Variants in CHD5 observed in about 807,000 individuals in gnomAD.
The protein encoded by CHD5 is chromodomain helicase DNA binding protein 5, also known as ATP-dependent chromatin remodeler CHD5.
In CHD5, 69 loss-of-function variants were observed where a neutral mutation model predicts 230.3. That is an observed-to-expected ratio of 0.30 (90% confidence interval 0.25 to 0.37). The LOEUF is 0.37. CHD5 is among the 10% of genes least tolerant of loss of function. The probability of loss-of-function intolerance (pLI) is 1.00; values close to 1 mark genes in which losing one functional copy is unlikely to be tolerated. For missense variants in CHD5, 1,827 were observed against 2,622.8 expected, an observed-to-expected ratio of 0.70 and a Z score of 6.63; for synonymous variants, 1,064 against 1,065.9, an observed-to-expected ratio of 1.00 and a Z score of 0.03.
chr1:6,109,627 G>A (rs1261948590), intron 38 of CHD5, among the ~76,000 whole-genome samples, 168 bp downstream of exon 38: 1 of 152,166 alleles, frequency 6.6e-6, no homozygotes, highest in Non-Finnish European at 1.5e-5. Flanking sequence ...GGGGAGATAA[G>A]GGGTCTGATG....
chr1:6,159,413 T>G lies in CHD5; in HGVS notation c.310A>C (p.Lys104Gln), dbSNP rs1373588152. ...SPNKKKKKKLKDKKEKKAKRK... is the reference protein window; with the variant it reads ...SPNKKKKKKLQDKKEKKAKRK... ...TTGGCTTTTTTCTCCTTCTTGTCCT[T>G]GAGTTTCTTCTTCTTCTTTTTATTC... The change falls in exon 3 of 42, where the codon AAG becomes CAG. Residue 104 changes from lysine to glutamine, a missense_variant. Around this residue, in one of 14 missense-constraint regions of CHD5, gnomAD observed 657 missense variants for 816.4 expected, o/e 0.80. Transcript: ENST00000262450. 6.4e-7 allele frequency: 1 copy of G among 1,559,722 alleles called. No individual in the cohort carries two copies. Among genetic ancestry groups the G allele is most frequent in the African/African-American group, 1.4e-5 (1 of 73,400 alleles).
chr1:6,112,799 C>G, intron 34 of CHD5, 110 bp downstream of exon 34: 1 of 782,098 alleles, frequency 1.3e-6, no homozygotes, highest in Non-Finnish European at 2.1e-6. Flanking sequence ...CCAATCAGGC[C>G]TGGGGCCAAG....
chr1:6,122,783 TTATCGGCCA>T (rs1666491328), intron 31 of CHD5, among the ~76,000 whole-genome samples: 1 of 152,134 alleles, frequency 6.6e-6, no homozygotes, highest in African/African-American at 2.4e-5. Context: ...CAAGAAAACG[TTATCGGCCA>T]GGCGCGGTGG....
rs752323611 is a variant in CHD5, at chr1:6,121,256, G to A, written c.4780-19C>T. The A allele has an allele frequency of 6.2e-7, 1 of 1,603,054 alleles. No homozygotes were observed. The highest frequency in any genetic ancestry group is 1.8e-5 in the Admixed American group (1 of 56,792). On this transcript the variant is annotated intron_variant, in intron 32 of 41. Transcript: ENST00000262450. This position sits in a 1 kb window ranked among gnomAD's most constrained non-coding sequence, Gnocchi z 4.5. Reference sequence around the variant, plus strand: ...GAAGGGCCTGCAGAGGAAAAGCCAGGAGAACTACAAGGCCTGGGGCCTCAC... The same window carrying A: ...GAAGGGCCTGCAGAGGAAAAGCCAGAAGAACTACAAGGCCTGGGGCCTCAC...
At chr1:6,166,315 G>A (rs1338728917) in intron 2 of CHD5, among the ~76,000 whole-genome samples, 1 of 151,724 alleles carries the variant, frequency 6.6e-6, no homozygotes, top group Non-Finnish European at 1.5e-5. Flanking sequence ...TGGGGGTGCT[G>A]CACAGGCTCT....
chr1:6,142,787 C>T lies in CHD5; in HGVS notation c.2044-182G>A, dbSNP rs1666848668. On this transcript the variant is annotated intron_variant, in intron 13 of 41. Coordinates refer to ENST00000262450, the MANE Select transcript of CHD5 (RefSeq NM_015557.3). This position sits in a 1 kb window ranked among gnomAD's most constrained non-coding sequence, Gnocchi z 5.2. The stretch of plus-strand genomic sequence containing the variant: ...TCCTCTAGGAAGCCCTCCCTGACTC[C>T]CAGCCTGGCTGAAGTGCTCCCACAG... 6.6e-6 allele frequency among the ~76,000 whole-genome samples: 1 copy of T among 152,224 alleles called. No individual in the cohort carries two copies. Among genetic ancestry groups the T allele is most frequent in the African/African-American group, 2.4e-5 (1 of 41,446 alleles).
At chr1:6,138,282 C>T (rs956837184) in intron 15 of CHD5, among the ~76,000 whole-genome samples, 1 of 151,768 alleles carries the variant, frequency 6.6e-6, no homozygotes, top group Non-Finnish European at 1.5e-5. Context: ...GAGGCTGAGG[C>T]GGGAGAATCA....
chr1:6,125,075 C>A lies in CHD5; in HGVS notation c.4394+25G>T, dbSNP rs534538287. On this transcript the variant is annotated intron_variant, in intron 29 of 41. Transcript: ENST00000262450. This position sits in a 1 kb window ranked among gnomAD's most constrained non-coding sequence, Gnocchi z 6.7. ...CTACTCAGGGGCAGGTGGTCACACCCTGGGCCACCACCTAGCCCCTTTACC... is the reference window on the plus strand; with the variant it reads ...CTACTCAGGGGCAGGTGGTCACACCATGGGCCACCACCTAGCCCCTTTACC... 2.6e-6 allele frequency: 4 copies of A among 1,545,492 alleles called. No homozygotes were observed. The East Asian group carries it at 9.6e-5, about 37-fold the overall frequency.
Position 6,154,552 on chromosome 1 carries a change from C to T in CHD5, c.745+108G>A. On this transcript the variant is annotated intron_variant, in intron 5 of 41. Transcript: ENST00000262450. This position sits in a 1 kb window ranked among gnomAD's most constrained non-coding sequence, Gnocchi z 7.0. The stretch of plus-strand genomic sequence containing the variant: ...CAGGCACAGAGCCCTCCATTAGGAG[C>T]ACCCCAGCTGCCCCTCCCTGCCCGC... 4.0e-6 allele frequency: 4 copies of T among 992,496 alleles called. No homozygotes were observed. The highest frequency in any genetic ancestry group is 2.9e-6 in the Non-Finnish European group (2 of 689,104). 61.5% of individuals were successfully genotyped at this position (992,496 alleles called of 1,614,324 possible). A position where few individuals can be genotyped will look rare whatever the true frequency, so the allele number is the denominator to read the frequency against.
Position 6,128,718 on chromosome 1 carries a change from T to G in CHD5, c.3620-109A>C. ...GGCTGTCCTAGCCAGGAGATACAGG[T>G]GGGGGGTGCAGAAGAGAGGCTGTGT... is the stretch of plus-strand genomic sequence containing the variant. On this transcript the variant is annotated intron_variant, in intron 23 of 41. Transcript: ENST00000262450. The surrounding 1 kb of genome is among the most constrained non-coding windows in gnomAD (Gnocchi z 7.8). 1 of 1,265,122 alleles carries G rather than the reference T, an allele frequency of 7.9e-7. No homozygotes were observed. The highest frequency in any genetic ancestry group is 1.1e-6 in the Non-Finnish European group (1 of 883,064). 78.4% of individuals were successfully genotyped at this position (1,265,122 alleles called of 1,614,324 possible).
At chr1:6,123,257 C>T (rs908087284) in intron 31 of CHD5, among the ~76,000 whole-genome samples, 3 of 152,082 alleles carry the variant, frequency 2.0e-5, no homozygotes, top group South Asian at 2.1e-4. Context: ...TCCAGCATTG[C>T]GAAATCCAGA....
intron 11 of CHD5, 148 bp from the exon 12 acceptor site, chr1:6,144,303 G>T: frequency 9.1e-7 from 1 of 1,102,462 alleles, no homozygotes; most frequent in Non-Finnish European, 1.3e-6. Context: ...GAGGGCAGAA[G>T]CTCCAGGGAG....
intron 1 of CHD5, among the ~76,000 whole-genome samples, chr1:6,172,854 G>A (rs998636703): frequency 2.6e-5 from 4 of 152,168 alleles, no homozygotes; most frequent in Admixed American, 2.6e-4. Context: ...CTGGGGAGGG[G>A]CAGCAGCAGA....
chr1:6,109,791 T>C lies in CHD5; in HGVS notation c.5578+4A>G, dbSNP rs1258521203. On this transcript the variant is annotated splice_donor_region_variant and intron_variant, in intron 38 of 41. Transcript: ENST00000262450. ...CTGCACCGTGGGGGGCAGGACTTGC[T>C]CACCCTTGTGCAGGACGGCATTGGC... The C allele has an allele frequency of 1.2e-6, 2 of 1,610,422 alleles. No individual in the cohort carries two copies. Among genetic ancestry groups the C allele is most frequent in the Non-Finnish European group, 1.7e-6 (2 of 1,178,756 alleles).
chr1:6,179,651 C>G (rs936523632), intron 1 of CHD5, among the ~76,000 whole-genome samples: 1 of 149,536 alleles, frequency 6.7e-6, no homozygotes, highest in African/African-American at 2.4e-5. Context: ...GCCGCGCCCC[C>G]CAGCGCAGGC....
intron 1 of CHD5, among the ~76,000 whole-genome samples, chr1:6,172,913 C>G (rs1024686667): frequency 6.6e-6 from 1 of 152,070 alleles, no homozygotes; most frequent in Admixed American, 6.6e-5. Flanking sequence ...GTGATCAAAA[C>G]AAGGGGAAGG....
chr1:6,112,134 C>G lies in CHD5; in HGVS notation c.5140+6G>C. On this transcript the variant is annotated splice_donor_region_variant and intron_variant, in intron 35 of 41. Coordinates refer to ENST00000262450, the MANE Select transcript of CHD5 (RefSeq NM_015557.3). ...CAGCTCTCTGCCCAACCCCCAACCC[C>G]AATACCCGTGAAGCCCCCGTCCGCG... 1 of 1,612,676 alleles carries G rather than the reference C, an allele frequency of 6.2e-7. No homozygotes were observed.
At position 6,110,474 on chromosome 1, in the gene CHD5, G is replaced by C; in HGVS notation, c.5302C>G (p.Leu1768Val). Reference sequence around the variant, plus strand: ...ACCTCAGACTTGAAGGGCTCGTTGAGGATCATGTACCGTGGGTCATTCTGG... The same window carrying C: ...ACCTCAGACTTGAAGGGCTCGTTGACGATCATGTACCGTGGGTCATTCTGG... ...DIQNDPRYMI[L>V]NEPFKSEVHK... The change falls in exon 37 of 42, where the codon CTC becomes GTC. Residue 1768 changes from leucine (L) to valine (V), a missense_variant. Leu to Val is a conservative substitution (Grantham distance 32). Transcript: ENST00000262450. 1 of 1,614,048 alleles carries C rather than the reference G, an allele frequency of 6.2e-7. No individual in the cohort carries two copies. The highest frequency in any genetic ancestry group is 8.5e-7 in the Non-Finnish European group (1 of 1,180,018).
At chr1:6,147,207 G>A (rs1299989069) in intron 9 of CHD5, among the ~76,000 whole-genome samples, 1 of 152,224 alleles carries the variant, frequency 6.6e-6, no homozygotes, top group Non-Finnish European at 1.5e-5. Context: ...AGGGACAGCA[G>A]AGCAGGGAGC....
Sources: gnomAD v4.1 joint callset for allele counts (sites outside exome capture counted in the v4.1 genomes callset) on GRCh38, gnomAD v4.1.1 for gene constraint, gnomAD v4.1.1 regional missense constraint, Gnocchi (gnomAD v3.1) non-coding constraint, MANE v1.5 for transcripts, NCBI Gene and HGNC (gene_info 2026-07-23, HGNC 2026-07-21) for gene names.